The following GABRA6 variants were observed in gnomAD, a reference collection of about 807,000 sequenced individuals.
The protein encoded by GABRA6 is gamma-aminobutyric acid type A receptor subunit alpha6, also known as gamma-aminobutyric acid receptor subunit alpha-6.
In GABRA6, 45 loss-of-function variants were observed where a neutral mutation model predicts 47.3. The observed-to-expected ratio is 0.95, with a 90% confidence interval of 0.75 to 1.22. The LOEUF is 1.22. Among genes scored for constraint, GABRA6 ranks in the 50% most tolerant of loss-of-function variants. The pLI is 0.00. For synonymous variants in GABRA6, 219 were observed against 194.7 expected (o/e 1.12, Z -1.04); for missense variants, 583 against 549.3 (o/e 1.06, Z -0.61).
chr5:161,702,527 C>G lies in GABRA6; in HGVS notation c.*754C>G, dbSNP rs1048110893. The G allele has an allele frequency of 3.3e-5, 5 of 152,166 alleles. No individual in the cohort carries two copies. The highest frequency in any genetic ancestry group is 1.2e-4 in the African/African-American group (5 of 41,434). The allele number at this position is 152,166 out of a possible 1,614,324, so 9.4% of individuals were successfully genotyped here. On this transcript the variant is annotated 3_prime_UTR_variant, in exon 9 of 9. Coordinates refer to ENST00000274545, the MANE Select transcript of GABRA6 (RefSeq NM_000811.3). ...TATAAGGAAGCCTTGTATATTATGA[C>G]TATGGTTATCTCTTGTGTTTTCCAC...
At chr5:161,699,325 G>A (rs193010100) in intron 8 of GABRA6, among the ~76,000 whole-genome samples, 24 of 152,254 alleles carry the variant, frequency 1.6e-4, no homozygotes, top group African/African-American at 5.1e-4. Flanking sequence ...ATATGTGGGA[G>A]GAGGATGGCT....
intron 8 of GABRA6, among the ~76,000 whole-genome samples, chr5:161,692,647 G>A (rs1287638832): frequency 6.6e-6 from 1 of 152,172 alleles, no homozygotes. Flanking sequence ...AAGAGGGCAA[G>A]GCATCTGTGA....
intron 8 of GABRA6, among the ~76,000 whole-genome samples, chr5:161,697,266 G>A (rs998757701): frequency 6.6e-6 from 1 of 152,210 alleles, no homozygotes; most frequent in African/African-American, 2.4e-5. Context: ...ACCATCAGCT[G>A]AAGCTGCTAT....
In GABRA6 at chr5:161,702,457, A is replaced by T. The variant is rs1211729917; in HGVS notation, c.*684A>T. On this transcript the variant is annotated 3_prime_UTR_variant, in exon 9 of 9. Transcript: ENST00000274545. ...CCTACTAAATTCTCCTTTTAAAATA[A>T]TACACTTACCATAATTCTATGAGGT... 2.0e-5 allele frequency: 3 copies of T among 152,270 alleles called. No individual in the cohort carries two copies. The East Asian group carries it at 5.8e-4, about 29-fold the overall frequency. The allele number at this position is 152,270 out of a possible 1,614,324, so 9.4% of individuals were successfully genotyped here. A position where few individuals can be genotyped will look rare whatever the true frequency, so the allele number is the denominator to read the frequency against.
rs2113086860 is a variant in GABRA6 at position 161,699,154 on chromosome 5, T to C, written c.1087-2344T>C. On this transcript the variant is annotated intron_variant, in intron 8 of 8. Coordinates refer to ENST00000274545, the MANE Select transcript of GABRA6 (RefSeq NM_000811.3). ...CAAACAACTAGGCATGTCTTCCCTC[T>C]TTCTACCTAAAATAGAAAGAAAAAC... Among the ~76,000 whole-genome samples, 2 of 152,324 alleles carry C rather than the reference T, an allele frequency of 1.3e-5. 1 individual carries two copies. Among genetic ancestry groups the C allele is most frequent in the East Asian group, 3.9e-4 (2 of 5,184 alleles).
At chr5:161,688,079 T>C (rs1481138846) in intron 3 of GABRA6, among the ~76,000 whole-genome samples, 1 of 152,174 alleles carries the variant, frequency 6.6e-6, no homozygotes, top group East Asian at 1.9e-4. Context: ...TAGTGTTCTA[T>C]CTTATGCTTG....
In GABRA6 at chr5:161,690,226, C is replaced by T. The variant is rs143829190; in HGVS notation, c.699C>T (p.Tyr233=). The change falls in exon 7 of 9, where the codon TAC becomes TAT. Residue 233 remains tyrosine, a synonymous_variant. Transcript: ENST00000274545. ...GTGAATACGTTATAATGACAGTTTACTTCCACTTGCAAAGGAAGATGGGCT... is the reference window on the plus strand; with the variant it reads ...GTGAATACGTTATAATGACAGTTTATTTCCACTTGCAAAGGAAGATGGGCT... ...NTGEYVIMTV[Y]FHLQRKMGYF... is the part of the protein sequence containing the mutation. The T allele has an allele frequency of 1.3e-5, 21 of 1,613,692 alleles. No homozygotes were observed. In the African/African-American group the frequency reaches 1.5e-4, roughly 11 times the overall value.
rs267600526 is a variant in GABRA6, at chr5:161,687,001, A to G, written c.223A>G (p.Met75Val). Residue 75 changes from methionine (M) to valine (V), a missense_variant and splice_region_variant, in exon 3 of 9, where the codon ATG (methionine) becomes GTG (valine). Met to Val is a conservative substitution (Grantham distance 21). Coordinates refer to ENST00000274545, the MANE Select transcript of GABRA6 (RefSeq NM_000811.3). ...TTTTGGGCCCGTGTCAGATGTGGAGATGGTGAGTAAGTTCTAAGTGAGTTG... is the reference window on the plus strand; with the variant it reads ...TTTTGGGCCCGTGTCAGATGTGGAGGTGGTGAGTAAGTTCTAAGTGAGTTG... The part of the protein sequence containing the change: ...TSFGPVSDVE[M>V]EYTMDVFFRQ... The G allele has an allele frequency of 5.0e-6, 8 of 1,613,564 alleles. No individual in the cohort carries two copies.
At chr5:161,701,193 C>T (rs1754974113) in intron 8 of GABRA6, among the ~76,000 whole-genome samples, 1 of 152,134 alleles carries the variant, frequency 6.6e-6, no homozygotes, top group Non-Finnish European at 1.5e-5. Context: ...TGCAACCTGG[C>T]TCGTCTTTCC....
chr5:161,700,988 G>A (rs1754970059), intron 8 of GABRA6, among the ~76,000 whole-genome samples: 1 of 152,144 alleles, frequency 6.6e-6, no homozygotes, highest in Non-Finnish European at 1.5e-5. Flanking sequence ...GCTGATTCAA[G>A]CTTATGAGTG....
At chr5:161,695,594 T>C (rs1197007996) in intron 8 of GABRA6, among the ~76,000 whole-genome samples, 1 of 152,130 alleles carries the variant, frequency 6.6e-6, no homozygotes, top group Non-Finnish European at 1.5e-5. Context: ...TCCTTGTTAT[T>C]TTAAAGGCCT....
intron 2 of GABRA6, 137 bp downstream of exon 2, chr5:161,686,485 A>C (rs1754704369): frequency 1.3e-6 from 1 of 765,350 alleles, no homozygotes; most frequent in Admixed American, 1.8e-5. Flanking sequence ...GTATGTTCCC[A>C]TCCAGTCTCT....
At chr5:161,691,056 C>T (rs936774979) in intron 7 of GABRA6, among the ~76,000 whole-genome samples, 1 of 151,952 alleles carries the variant, frequency 6.6e-6, no homozygotes, top group Non-Finnish European at 1.5e-5. Context: ...TTATACATCT[C>T]CTAATAGTAT....
intron 5 of GABRA6, 92 bp from the exon 6 acceptor site, chr5:161,689,544 T>C (rs1754757471): frequency 8.2e-7 from 1 of 1,216,784 alleles, no homozygotes; most frequent in South Asian, 1.3e-5. Context: ...TCTATGTTTG[T>C]ATTTCCTTTT....
At chr5:161,687,087 C>A in intron 3 of GABRA6, 84 bp downstream of exon 3, 1 of 1,073,596 alleles carries the variant, frequency 9.3e-7, no homozygotes, top group Non-Finnish European at 1.5e-6. Context: ...GGCATTGCCG[C>A]CAAGCTTGGC....
chr5:161,697,482 T>C (rs550578550), intron 8 of GABRA6, among the ~76,000 whole-genome samples: 69 of 152,206 alleles, frequency 4.5e-4, no homozygotes, highest in Non-Finnish European at 8.1e-4. Flanking sequence ...CCTATCATAT[T>C]TGCTGCCTGT....
chr5:161,686,968 G>T lies in GABRA6; in HGVS notation c.190G>T (p.Val64Leu). The part of the protein sequence containing the change: ...AVTEVKTDIY[V>L]TSFGPVSDVE... ...CACTGAAGTCAAAACAGACATTTAT[G>T]TGACCAGTTTTGGGCCCGTGTCAGA... Residue 64 changes from valine (V) to leucine (L), a missense_variant, in exon 3 of 9, where the codon GTG becomes TTG. Val to Leu is a conservative substitution (Grantham distance 32, BLOSUM62 1). Transcript: ENST00000274545. 6.2e-7 allele frequency: 1 copy of T among 1,613,986 alleles called. No homozygotes were observed. Among genetic ancestry groups the T allele is most frequent in the Non-Finnish European group, 8.5e-7 (1 of 1,179,902 alleles).
chr5:161,687,881 AAAAGG>A (rs1391236228), intron 3 of GABRA6, among the ~76,000 whole-genome samples: 2 of 152,164 alleles, frequency 1.3e-5, no homozygotes, highest in African/African-American at 4.8e-5. Context: ...AAATTGAAAG[AAAAGG>A]AAAGAGGGAG....
intron 2 of GABRA6, 148 bp from the exon 3 acceptor site, chr5:161,686,788 G>A: frequency 1.4e-6 from 1 of 723,272 alleles, no homozygotes; most frequent in Middle Eastern, 2.4e-4. Context: ...TCAGAGTTGA[G>A]AGACCCAAGG....
Sources: gnomAD v4.1 joint callset for allele counts (sites outside exome capture counted in the v4.1 genomes callset) on GRCh38, gnomAD v4.1.1 for gene constraint, MANE v1.5 for transcripts, NCBI Gene and HGNC (gene_info 2026-07-23, HGNC 2026-07-21) for gene names.